Variants in TRPC4 observed in about 807,000 individuals in gnomAD.
TRPC4 encodes short transient receptor potential channel 4.
In TRPC4, 49 loss-of-function variants were observed where a neutral mutation model predicts 99.4. That is an observed-to-expected ratio of 0.49 (90% CI 0.39 to 0.63). The LOEUF is 0.63. TRPC4 is among the 20% of genes least tolerant of loss of function. The pLI, the probability that TRPC4 is intolerant of heterozygous loss-of-function variation, is 0.00. For missense variants in TRPC4, 898 were observed against 1,152.9 expected (o/e 0.78, Z 3.20); for synonymous variants, 454 against 425.9 (o/e 1.07, Z -0.81).
intron 2 of TRPC4, among the ~76,000 whole-genome samples, chr13:37,778,280 T>C (rs1956758658): frequency 2.0e-5 from 3 of 152,036 alleles, no homozygotes; most frequent in Admixed American, 2.0e-4. Flanking sequence ...TTAAGCCTTT[T>C]AATACTTTCA....
intron 1 of TRPC4, among the ~76,000 whole-genome samples, chr13:37,851,497 G>C (rs149794890): frequency 0.01 from 1,572 of 152,012 alleles, 20 homozygotes; most frequent in Non-Finnish European, 0.016. Context: ...TAAAATATAA[G>C]AAAATAAATC....
intron 2 of TRPC4, among the ~76,000 whole-genome samples, chr13:37,759,016 G>T (rs375593003): frequency 1.3e-5 from 2 of 151,332 alleles, no homozygotes; most frequent in East Asian, 1.9e-4. Flanking sequence ...TAATTGATAT[G>T]AAGGAATATA....
Position 37,805,147 on chromosome 13 carries a change from C to A in TRPC4, c.-27-21787G>T, listed in dbSNP as rs76934281. Reference sequence around the variant, plus strand: ...AAGAACTCAGATTCCCAACATATCTCCTGCTGAAAATGTTTTATACTATTT... The same window carrying A: ...AAGAACTCAGATTCCCAACATATCTACTGCTGAAAATGTTTTATACTATTT... On this transcript the variant is annotated intron_variant, in intron 1 of 10. Transcript: ENST00000379705. Among the ~76,000 whole-genome samples, 1,358 of 152,032 alleles carry A rather than the reference C, an allele frequency of 8.9e-3. 34 individuals carry two copies. In the East Asian group the frequency reaches 0.1, roughly 11 times the overall value.
chr13:37,654,474 C>A (rs1351222381), intron 7 of TRPC4, among the ~76,000 whole-genome samples: 1 of 152,048 alleles, frequency 6.6e-6, no homozygotes, highest in Admixed American at 6.6e-5. Context: ...CAGAACAGTA[C>A]TGGAAAACAC....
At chr13:37,825,276 G>T (rs1473005124) in intron 1 of TRPC4, among the ~76,000 whole-genome samples, 1 of 151,384 alleles carries the variant, frequency 6.6e-6, no homozygotes, top group Non-Finnish European at 1.5e-5. Context: ...ATTTCCTTCA[G>T]GTCTGCTCTG....
chr13:37,770,909 A>C (rs1372423318), intron 2 of TRPC4, among the ~76,000 whole-genome samples: 1 of 151,612 alleles, frequency 6.6e-6, no homozygotes, highest in Admixed American at 6.6e-5. Flanking sequence ...TTTTTAATAC[A>C]ATTTTACCAT....
At chr13:37,807,188 T>C (rs2139456339) in intron 1 of TRPC4, among the ~76,000 whole-genome samples, 1 of 152,170 alleles carries the variant, frequency 6.6e-6, no homozygotes, top group East Asian at 1.9e-4. Context: ...TTCTCTCTCA[T>C]ATATGTTTAT....
chr13:37,703,695 AC>A (rs1954176946), intron 3 of TRPC4, among the ~76,000 whole-genome samples: 1 of 152,196 alleles, frequency 6.6e-6, no homozygotes, highest in Non-Finnish European at 1.5e-5. Flanking sequence ...ATATGTTGAT[AC>A]ATGTTTGCAG....
intron 2 of TRPC4, among the ~76,000 whole-genome samples, chr13:37,766,398 A>T (rs184031596): frequency 9.0e-5 from 13 of 143,772 alleles, no homozygotes; most frequent in South Asian, 6.6e-4. Context: ...GCAAACTTTT[A>T]AAAACAAATC....
intron 8 of TRPC4, among the ~76,000 whole-genome samples, chr13:37,644,598 C>T (rs928396552): frequency 6.6e-6 from 1 of 151,960 alleles, no homozygotes; most frequent in African/African-American, 2.4e-5. Context: ...TGGCCGGGCG[C>T]GGTGGTTCAC....
chr13:37,641,524 A>G (rs750664916), intron 8 of TRPC4, among the ~76,000 whole-genome samples: 11 of 152,242 alleles, frequency 7.2e-5, no homozygotes, highest in Non-Finnish European at 1.5e-4. Flanking sequence ...CCTAAAACTC[A>G]AAATGAATGC....
intron 3 of TRPC4, among the ~76,000 whole-genome samples, chr13:37,722,764 G>T (rs1267737882): frequency 1.3e-5 from 2 of 151,794 alleles, no homozygotes; most frequent in African/African-American, 4.8e-5. Flanking sequence ...ATTTTTATCA[G>T]CTCTAATGTT....
intron 4 of TRPC4, among the ~76,000 whole-genome samples, chr13:37,690,050 C>T (rs1430186594): frequency 6.6e-6 from 1 of 152,096 alleles, no homozygotes; most frequent in Non-Finnish European, 1.5e-5. Flanking sequence ...AAATGTTCTG[C>T]GTTTGGGAAA....
intron 1 of TRPC4, among the ~76,000 whole-genome samples, chr13:37,819,828 T>C (rs1442922639): frequency 6.8e-6 from 1 of 147,136 alleles, no homozygotes; most frequent in Admixed American, 6.8e-5. Context: ...AAAATGAAAG[T>C]TAAAAAAAAA....
chr13:37,746,490 A>C, intron 2 of TRPC4, 35 bp from the exon 3 acceptor site: 1 of 1,553,156 alleles, frequency 6.4e-7, no homozygotes, highest in Non-Finnish European at 8.6e-7. Flanking sequence ...ATGAATATTT[A>C]TTCTTTTGTT....
intron 1 of TRPC4, among the ~76,000 whole-genome samples, chr13:37,799,971 A>G (rs976057519): frequency 3.9e-5 from 6 of 152,292 alleles, no homozygotes; most frequent in African/African-American, 1.4e-4. Flanking sequence ...AATTATGTCC[A>G]TAGGCGGGGT....
rs140963029 is a variant in TRPC4, at chr13:37,700,055, G to A, written c.898-7720C>T. Among the ~76,000 whole-genome samples, 760 of 152,254 alleles carry A rather than the reference G, an allele frequency of 5.0e-3. 6 individuals carry two copies. Among genetic ancestry groups the A allele is most frequent in the African/African-American group, 0.017 (718 of 41,562 alleles). On this transcript the variant is annotated intron_variant, in intron 3 of 10. Coordinates refer to ENST00000379705, the MANE Select transcript of TRPC4 (RefSeq NM_016179.4). Reference sequence around the variant, plus strand: ...AAGGTCGAGTCAATAAATAATGTTCGTTCTTTGAAAATCACAAAGGGTAGC... The same window carrying A: ...AAGGTCGAGTCAATAAATAATGTTCATTCTTTGAAAATCACAAAGGGTAGC...
intron 6 of TRPC4, among the ~76,000 whole-genome samples, chr13:37,658,007 G>A (rs1263196280): frequency 6.6e-6 from 1 of 152,034 alleles, no homozygotes; most frequent in African/African-American, 2.4e-5. Context: ...CAGATAACAG[G>A]TGGATTTTTA....
chr13:37,673,470 ATTT>A (rs5802892), intron 5 of TRPC4, among the ~76,000 whole-genome samples: 1 of 149,178 alleles, frequency 6.7e-6, no homozygotes. Flanking sequence ...GATATTCTTT[ATTT>A]TTTTTTTTTT....
Sources: allele counts gnomAD v4.1 joint callset (sites outside exome capture counted in the v4.1 genomes callset), GRCh38; gene constraint gnomAD v4.1.1; transcripts MANE v1.5; gene names NCBI Gene and HGNC (gene_info 2026-07-23, HGNC 2026-07-21).